The following PRR16 variants were observed in gnomAD, a reference collection of about 807,000 sequenced individuals.
PRR16 encodes the protein proline rich 16.
In PRR16, 6 loss-of-function variants were observed where a neutral mutation model predicts 18.2. That is an observed-to-expected ratio of 0.33 (90% CI 0.18 to 0.65). The LOEUF is 0.65. Ranked by LOEUF, PRR16 falls within the 30% of genes least tolerant of loss-of-function variation. PRR16 has a pLI of 0.74. For missense variants in PRR16, 412 were observed against 376.6 expected (o/e 1.09, Z -0.78); for synonymous variants, 151 against 147.8 (o/e 1.02, Z -0.16).
chr5:120,729,326 C>A, the PRR16 span, among the ~76,000 whole-genome samples: 1 of 152,056 alleles, frequency 6.6e-6, no homozygotes, highest in African/African-American at 2.4e-5. Context: ...TAGGTAAATT[C>A]GTGTCTCTCT....
At chr5:120,545,936 T>C (rs1752060959) in intron 1 of PRR16, among the ~76,000 whole-genome samples, 1 of 152,126 alleles carries the variant, frequency 6.6e-6, no homozygotes, top group Non-Finnish European at 1.5e-5. Flanking sequence ...CTATTTTGTA[T>C]TGATTTTGAT....
chr5:120,773,272 A>G, the PRR16 span, among the ~76,000 whole-genome samples: 3 of 152,190 alleles, frequency 2.0e-5, no homozygotes, highest in East Asian at 5.8e-4. Flanking sequence ...TATTTCTTAC[A>G]AAGAAGCCTT....
chr5:120,491,058 C>T (rs1274019684), intron 1 of PRR16, among the ~76,000 whole-genome samples: 2 of 152,146 alleles, frequency 1.3e-5, no homozygotes, highest in Non-Finnish European at 2.9e-5. Context: ...TATCAGTCTG[C>T]CCCTACTGGG....
At chr5:120,560,054 C>G (rs1752529006) in intron 1 of PRR16, among the ~76,000 whole-genome samples, 1 of 151,722 alleles carries the variant, frequency 6.6e-6, no homozygotes, top group African/African-American at 2.4e-5. Context: ...TTAGGTTTTT[C>G]TAAATATAAA....
intron 1 of PRR16, among the ~76,000 whole-genome samples, chr5:120,542,476 T>A (rs1194442459): frequency 6.6e-6 from 1 of 152,178 alleles, no homozygotes; most frequent in Non-Finnish European, 1.5e-5. Flanking sequence ...TTAACATGGA[T>A]AAATTAATAT....
chr5:120,579,203 C>G (rs1472684481), intron 1 of PRR16, among the ~76,000 whole-genome samples: 2 of 151,976 alleles, frequency 1.3e-5, no homozygotes. Flanking sequence ...CTGTAGGTTG[C>G]TTGTTCACTC....
chr5:120,632,044 C>T (rs548218788), intron 1 of PRR16, among the ~76,000 whole-genome samples: 16 of 152,290 alleles, frequency 1.1e-4, no homozygotes, highest in African/African-American at 2.9e-4. Flanking sequence ...GACCTGAAGA[C>T]GGATCACATC....
chr5:120,783,806 A>G, the PRR16 span, among the ~76,000 whole-genome samples: 2 of 152,124 alleles, frequency 1.3e-5, no homozygotes, highest in Non-Finnish European at 2.9e-5. Flanking sequence ...CAAACACTAG[A>G]TCTTATTCTT....
intron 1 of PRR16, among the ~76,000 whole-genome samples, chr5:120,638,389 T>G (rs997284756): frequency 2.0e-5 from 3 of 152,136 alleles, no homozygotes; most frequent in Admixed American, 2.0e-4. Context: ...GCTTAAACAA[T>G]GTATTTGAGC....
At chr5:120,609,548 C>T (rs535511430) in intron 1 of PRR16, among the ~76,000 whole-genome samples, 21 of 152,120 alleles carry the variant, frequency 1.4e-4, no homozygotes, top group African/African-American at 2.2e-4. Flanking sequence ...CTAAGATTTT[C>T]GACAATGAAA....
the PRR16 span, among the ~76,000 whole-genome samples, chr5:120,729,492 G>A: frequency 7.2e-4 from 110 of 152,214 alleles, no homozygotes; most frequent in Admixed American, 2.7e-3. Context: ...CTATTATGCG[G>A]CCAACATGGC....
chr5:120,560,437 CTGAT>C, intron 1 of PRR16, among the ~76,000 whole-genome samples: 1 of 151,934 alleles, frequency 6.6e-6, no homozygotes, highest in East Asian at 1.9e-4. Context: ...ATGTATCACA[CTGAT>C]TGATTTGCAC....
chr5:120,591,774 TATC>T (rs1381933213), intron 1 of PRR16, among the ~76,000 whole-genome samples: 3 of 152,136 alleles, frequency 2.0e-5, no homozygotes, highest in African/African-American at 7.2e-5. Context: ...TGATATGTCA[TATC>T]ATGGTAAGGA....
At chr5:120,732,325 T>G in the PRR16 span, among the ~76,000 whole-genome samples, 1 of 152,182 alleles carries the variant, frequency 6.6e-6, no homozygotes, top group African/African-American at 2.4e-5. Flanking sequence ...ATGTCCCCAC[T>G]AGACTTTTCC....
chr5:120,692,606 G>C, the PRR16 span, among the ~76,000 whole-genome samples: 1 of 152,150 alleles, frequency 6.6e-6, no homozygotes, highest in Non-Finnish European at 1.5e-5. Flanking sequence ...ATGGGTGTGG[G>C]CCCAAGTCAT....
chr5:120,619,539 C>T (rs985064221), intron 1 of PRR16, among the ~76,000 whole-genome samples: 6 of 151,972 alleles, frequency 3.9e-5, no homozygotes, highest in East Asian at 1.9e-4. Context: ...ATAGGTTAAT[C>T]GACTAGCAGT....
the PRR16 span, among the ~76,000 whole-genome samples, chr5:120,767,211 G>C: frequency 6.6e-6 from 1 of 151,902 alleles, no homozygotes; most frequent in East Asian, 1.9e-4. Context: ...TCATCTTTAA[G>C]AGCTGTTAAT....
rs986023766 is a variant in PRR16, at chr5:120,650,790, G to A, written c.160-35164G>A. Among the ~76,000 whole-genome samples the A allele has an allele frequency of 8.7e-4, 133 of 152,170 alleles. 1 individual carries two copies. Among genetic ancestry groups the A allele is most frequent in the African/African-American group, 3.1e-3 (128 of 41,510 alleles). On this transcript the variant is annotated intron_variant, in intron 1 of 1. Coordinates refer to ENST00000407149, the MANE Select transcript of PRR16 (RefSeq NM_001300783.2). The stretch of plus-strand genomic sequence containing the variant: ...GTGAATAGTGCCACAATAAACATAC[G>A]TGTGCATGTGTCTTTATAGCAGCAT...
the PRR16 span, among the ~76,000 whole-genome samples, chr5:120,737,393 G>A: frequency 1.6e-5 from 2 of 128,592 alleles, no homozygotes; most frequent in Admixed American, 8.6e-5. Context: ...AGATAATTAT[G>A]TGAGTTTTGT....
Sources: gnomAD v4.1 joint callset for allele counts (sites outside exome capture counted in the v4.1 genomes callset) on GRCh38, gnomAD v4.1.1 for gene constraint, MANE v1.5 for transcripts, NCBI Gene and HGNC (gene_info 2026-07-23, HGNC 2026-07-21) for gene names.